ULK4: variants seen among roughly 807,000 people sequenced by gnomAD.
The protein encoded by ULK4 is inactive serine/threonine-protein kinase ULK4.
ULK4 carries 133 observed loss-of-function variants against 160.6 expected under a neutral mutation model. The observed-to-expected ratio is 0.83, with a 90% CI of 0.72 to 0.96. The LOEUF (loss-of-function observed/expected upper bound fraction) is 0.96. Ranked by LOEUF, ULK4 falls within the 40% of genes least tolerant of loss-of-function variation. The pLI is 0.00. For synonymous variants in ULK4, 534 were observed against 539.8 expected (o/e 0.99, Z 0.15); for missense variants, 1,580 against 1,499.5 (o/e 1.05, Z -0.89).
intron 1 of ULK4, among the ~76,000 whole-genome samples, chr3:41,957,269 C>G (rs952022332): frequency 2.6e-5 from 4 of 151,492 alleles, no homozygotes; most frequent in African/African-American, 9.7e-5. Context: ...GCCTGACCAA[C>G]ATGGCAAAAT....
At chr3:41,294,622 C>T (rs1182353215) in intron 35 of ULK4, among the ~76,000 whole-genome samples, 1 of 152,258 alleles carries the variant, frequency 6.6e-6, no homozygotes, top group African/African-American at 2.4e-5. Flanking sequence ...TGTGAAAAGT[C>T]CCCCTTTTGT....
intron 35 of ULK4, among the ~76,000 whole-genome samples, chr3:41,337,882 A>G (rs1039642445): frequency 2.0e-5 from 3 of 152,144 alleles, no homozygotes; most frequent in Non-Finnish European, 4.4e-5. Flanking sequence ...GTTCTGCATC[A>G]GGGGATAGGC....
intron 35 of ULK4, among the ~76,000 whole-genome samples, chr3:41,340,573 T>A (rs1301678728): frequency 6.6e-6 from 1 of 152,214 alleles, no homozygotes; most frequent in Non-Finnish European, 1.5e-5. Flanking sequence ...TGTAGCTATT[T>A]AAATTTAAGT....
intron 34 of ULK4, among the ~76,000 whole-genome samples, chr3:41,419,465 G>A (rs1203904629): frequency 2.0e-5 from 3 of 152,152 alleles, no homozygotes; most frequent in Non-Finnish European, 4.4e-5. Context: ...GACAGGTCAT[G>A]GCTAAAGATA....
intron 34 of ULK4, among the ~76,000 whole-genome samples, chr3:41,407,412 A>G (rs544883363): frequency 6.0e-4 from 91 of 152,310 alleles, no homozygotes; most frequent in Admixed American, 1.0e-3. Context: ...AAAAAACAAC[A>G]ACAATAACAA....
chr3:41,848,952 C>A (rs759895754), intron 17 of ULK4, among the ~76,000 whole-genome samples: 6 of 152,148 alleles, frequency 3.9e-5, no homozygotes, highest in Non-Finnish European at 7.4e-5. Flanking sequence ...CTAGTTCTGG[C>A]CAATTAACTG....
intron 35 of ULK4, among the ~76,000 whole-genome samples, chr3:41,391,251 T>C (rs1034154541): frequency 1.3e-5 from 2 of 152,058 alleles, no homozygotes; most frequent in Non-Finnish European, 2.9e-5. Context: ...CAAGAAAAGA[T>C]CTCTTTCAGA....
chr3:41,801,232 G>A (rs2040450681), intron 19 of ULK4, among the ~76,000 whole-genome samples: 1 of 152,000 alleles, frequency 6.6e-6, no homozygotes. Flanking sequence ...TAACAGATTA[G>A]ACACTACAGA....
chr3:41,599,165 T>C (rs1052727704), intron 31 of ULK4, among the ~76,000 whole-genome samples: 7 of 152,216 alleles, frequency 4.6e-5, no homozygotes, highest in African/African-American at 1.4e-4. Flanking sequence ...ATGAGGATAA[T>C]CTAATGTTTA....
At chr3:41,474,655 C>T (rs747755402) in intron 32 of ULK4, among the ~76,000 whole-genome samples, 1 of 151,286 alleles carries the variant, frequency 6.6e-6, no homozygotes, top group Non-Finnish European at 1.5e-5. Context: ...AACAACACTA[C>T]AGAAAAACAT....
chr3:41,514,215 G>A (rs1008209830), intron 32 of ULK4, among the ~76,000 whole-genome samples: 1 of 150,528 alleles, frequency 6.6e-6, no homozygotes, highest in Non-Finnish European at 1.5e-5. Context: ...GAACCACACA[G>A]AGAACTGAGC....
chr3:41,317,373 C>T (rs1388358396), intron 35 of ULK4, among the ~76,000 whole-genome samples: 1 of 152,138 alleles, frequency 6.6e-6, no homozygotes, highest in South Asian at 2.1e-4. Context: ...CCGCGCCCGG[C>T]CAATTACATC....
chr3:41,658,639 A>AT lies in ULK4; in HGVS notation c.3071+4967dup, dbSNP rs144654944. Among the ~76,000 whole-genome samples, 8 of 152,232 alleles carry AT rather than the reference A, an allele frequency of 5.3e-5. No homozygotes were observed. In the East Asian group the frequency reaches 1.5e-3, roughly 29 times the overall value. ...TGTTTAAAGGAGTGGCACAGATAGT[A>AT]TATGAATTACATTTCAATAAAACTG... is the stretch of plus-strand genomic sequence containing the variant. On this transcript the variant is annotated intron_variant, in intron 30 of 36. Coordinates refer to ENST00000301831, the MANE Select transcript of ULK4 (RefSeq NM_017886.4).
intron 35 of ULK4, among the ~76,000 whole-genome samples, chr3:41,343,671 T>C (rs1255445276): frequency 6.6e-6 from 1 of 152,142 alleles, no homozygotes; most frequent in Non-Finnish European, 1.5e-5. Context: ...ACAAAATCAA[T>C]GTGCAAAAAT....
intron 34 of ULK4, among the ~76,000 whole-genome samples, chr3:41,432,903 C>G (rs1575551874): frequency 6.6e-6 from 1 of 150,432 alleles, no homozygotes; most frequent in African/African-American, 2.4e-5. Context: ...AAAAAAAAAC[C>G]ATGGAAGTAG....
At chr3:41,247,660 T>C (rs2078669490) in intron 36 of ULK4, among the ~76,000 whole-genome samples, 2 of 152,246 alleles carry the variant, frequency 1.3e-5, no homozygotes, top group African/African-American at 2.4e-5. Context: ...GATGGGGCCA[T>C]GACCAGGAGA....
intron 31 of ULK4, among the ~76,000 whole-genome samples, chr3:41,583,629 T>C (rs959259267): frequency 4.6e-5 from 7 of 152,228 alleles, no homozygotes; most frequent in African/African-American, 1.4e-4. Flanking sequence ...ACCTCAGGTA[T>C]GGATCTGTCC....
chr3:41,370,065 G>A (rs778042805), intron 35 of ULK4, among the ~76,000 whole-genome samples: 4 of 152,020 alleles, frequency 2.6e-5, no homozygotes, highest in Admixed American at 6.6e-5. Context: ...ACGTCACAAC[G>A]TTAAAGGGCC....
At chr3:41,800,441 A>G (rs970227066) in intron 19 of ULK4, 148 bp from the exon 20 acceptor site, 8 of 698,330 alleles carry the variant, frequency 1.1e-5, no homozygotes, top group South Asian at 2.0e-5. Context: ...TAACTCTTTC[A>G]GGTCATTATG....
Sources: gnomAD v4.1 joint callset for allele counts (sites outside exome capture counted in the v4.1 genomes callset) on GRCh38, gnomAD v4.1.1 for gene constraint, MANE v1.5 for transcripts, NCBI Gene and HGNC (gene_info 2026-07-23, HGNC 2026-07-21) for gene names.